KIF3B: variants seen among roughly 807,000 people sequenced by gnomAD.
KIF3B encodes the protein kinesin family member 3B.
In KIF3B, 38 loss-of-function variants were observed where a neutral mutation model predicts 74.3. The ratio of observed to expected loss-of-function variants is 0.51; its 90% CI spans 0.39 to 0.67. The LOEUF (loss-of-function observed/expected upper bound fraction) is 0.67. KIF3B is among the 30% of genes least tolerant of loss of function. The pLI, the probability that KIF3B is intolerant of heterozygous loss-of-function variation, is 0.00. For missense variants in KIF3B, 649 were observed against 932.0 expected, an observed-to-expected ratio of 0.70 and a Z score of 3.95; for synonymous variants, 326 against 342.5, an observed-to-expected ratio of 0.95 and a Z score of 0.53.
intron 1 of KIF3B, among the ~76,000 whole-genome samples, chr20:32,288,083 A>G (rs1008188157): frequency 3.4e-4 from 51 of 151,798 alleles, no homozygotes; most frequent in African/African-American, 1.1e-3. Flanking sequence ...GGGTTTCACC[A>G]TGTTGGTCAG....
intron 5 of KIF3B, among the ~76,000 whole-genome samples, chr20:32,322,767 TTTA>T (rs2047872179): frequency 1.6e-5 from 1 of 63,220 alleles, no homozygotes; most frequent in Non-Finnish European, 2.4e-5. Flanking sequence ...TTTATATATA[TTTA>T]TATATATATT....
At chr20:32,320,142 G>T (rs1305124511) in intron 5 of KIF3B, among the ~76,000 whole-genome samples, 1 of 152,076 alleles carries the variant, frequency 6.6e-6, no homozygotes, top group African/African-American at 2.4e-5. Flanking sequence ...TGATCCACCC[G>T]CCTCAGCCTC....
rs1022294441 is a variant in KIF3B at position 32,334,614 on chromosome 20, A to G, written c.*3295A>G. 4 of 152,674 alleles carry G rather than the reference A, an allele frequency of 2.6e-5. No homozygotes were observed. Among genetic ancestry groups the G allele is most frequent in the African/African-American group, 9.6e-5 (4 of 41,574 alleles). The allele number at this position is 152,674 out of a possible 1,614,324, so 9.5% of individuals were successfully genotyped here. A position where few individuals can be genotyped will look rare whatever the true frequency, so the allele number is the denominator to read the frequency against. ...AGTGGACGAAAATGGGGCTGTTAATATACTCTAAAAGCCATACTAAAAATG... is the reference window on the plus strand; with the variant it reads ...AGTGGACGAAAATGGGGCTGTTAATGTACTCTAAAAGCCATACTAAAAATG... On this transcript the variant is annotated 3_prime_UTR_variant, in exon 9 of 9. Transcript: ENST00000375712.
At chr20:32,296,885 T>C (rs1056351838) in intron 1 of KIF3B, among the ~76,000 whole-genome samples, 1 of 152,282 alleles carries the variant, frequency 6.6e-6, no homozygotes, top group South Asian at 2.1e-4. Context: ...CTGGCCATCA[T>C]AGGAACCAGA....
At position 32,333,845 on chromosome 20, in the gene KIF3B, C is replaced by T. The variant is rs1307396841; in HGVS notation, c.*2526C>T. 6.6e-6 allele frequency: 1 copy of T among 152,512 alleles called. No individual in the cohort carries two copies. Among genetic ancestry groups the T allele is most frequent in the East Asian group, 1.9e-4 (1 of 5,188 alleles). 9.4% of individuals were successfully genotyped at this position (152,512 alleles called of 1,614,324 possible). A position where few individuals can be genotyped will look rare whatever the true frequency, so the allele number is the denominator to read the frequency against. Reference sequence around the variant, plus strand: ...TGGTCTGTGGAAAGAAAAGAAGACTCATTTGGAAATGAAGCTGTCCCTTTC... The same window carrying T: ...TGGTCTGTGGAAAGAAAAGAAGACTTATTTGGAAATGAAGCTGTCCCTTTC... On this transcript the variant is annotated 3_prime_UTR_variant, in exon 9 of 9. Transcript: ENST00000375712.
At chr20:32,280,577 T>C (rs2047637425) in intron 1 of KIF3B, among the ~76,000 whole-genome samples, 1 of 150,470 alleles carries the variant, frequency 6.6e-6, no homozygotes, top group South Asian at 2.1e-4. Context: ...TAGCTGGGCA[T>C]GGTGGCGGGC....
chr20:32,327,824 G>A (rs2047911692), intron 7 of KIF3B, among the ~76,000 whole-genome samples, 163 bp downstream of exon 7: 1 of 152,152 alleles, frequency 6.6e-6, no homozygotes, highest in African/African-American at 2.4e-5. Context: ...AATAAGCCGA[G>A]CACAGTAGCT....
At chr20:32,313,418 T>C (rs1314569523) in intron 2 of KIF3B, among the ~76,000 whole-genome samples, 1 of 152,214 alleles carries the variant, frequency 6.6e-6, no homozygotes, top group African/African-American at 2.4e-5. Flanking sequence ...GCCTCCCTCC[T>C]ACCCCTACTG....
intron 5 of KIF3B, among the ~76,000 whole-genome samples, chr20:32,322,757 TTTATATATATTTATATATA>T (rs1569207768): frequency 1.2e-4 from 6 of 49,068 alleles, no homozygotes; most frequent in Non-Finnish European, 1.8e-4. Flanking sequence ...TATATATATA[TTTATATATATTTATATATA>T]TATTTATATA....
rs548735345 is a variant in KIF3B at position 32,331,258 on chromosome 20, C to G, written c.2183C>G (p.Ser728Cys). The G allele has an allele frequency of 5.6e-6, 9 of 1,613,716 alleles. No individual in the cohort carries two copies. In the South Asian group the frequency reaches 9.9e-5, roughly 18 times the overall value. The change falls in exon 9 of 9, where the codon TCT becomes TGT. Residue 728 changes from serine to cysteine, a missense_variant. Transcript: ENST00000375712. Reference protein sequence around the residue: ...KSGRKSGSSSSSSGTPASQLY... With the variant: ...KSGRKSGSSSCSSGTPASQLY... ...GGAAGGAAGTCGGGATCCTCCTCCT[C>G]TTCCTCAGGAACCCCTGCATCTCAG...
At chr20:32,305,259 G>A in intron 1 of KIF3B, among the ~76,000 whole-genome samples, 1 of 152,036 alleles carries the variant, frequency 6.6e-6, no homozygotes, top group Non-Finnish European at 1.5e-5. Context: ...CTACTTGGGA[G>A]GCCGAGGTGG....
At chr20:32,318,024 C>T (rs944871332) in intron 5 of KIF3B, among the ~76,000 whole-genome samples, 32 of 152,148 alleles carry the variant, frequency 2.1e-4, no homozygotes, top group South Asian at 6.2e-4. Flanking sequence ...CAAATCAGTC[C>T]GGGCATGGTG....
At chr20:32,306,490 TTTA>T (rs2047771784) in intron 1 of KIF3B, among the ~76,000 whole-genome samples, 1 of 152,186 alleles carries the variant, frequency 6.6e-6, no homozygotes, top group African/African-American at 2.4e-5. Flanking sequence ...CAAGCCAGTT[TTTA>T]TTAATGATTG....
chr20:32,287,190 T>C (rs1265653514), intron 1 of KIF3B, among the ~76,000 whole-genome samples: 1 of 152,238 alleles, frequency 6.6e-6, no homozygotes, highest in Admixed American at 6.5e-5. Context: ...TGTTTCATTT[T>C]ATTTTTGTAG....
In KIF3B at chr20:32,298,281, AC is replaced by A. The variant is rs1030722004; in HGVS notation, c.-65-11431del. 7.7e-4 allele frequency among the ~76,000 whole-genome samples: 117 copies of A among 151,752 alleles called. 2 individuals are homozygous for A. Among genetic ancestry groups the A allele is most frequent in the Non-Finnish European group, 3.2e-4 (22 of 67,940 alleles). ...CAAAAACCCAGCCCTACAAACAGATACAACAATTAATTGTGCATGGCGGCCT... is the reference window on the plus strand; with the variant it reads ...CAAAAACCCAGCCCTACAAACAGATAAACAATTAATTGTGCATGGCGGCCT... On this transcript the variant is annotated intron_variant, in intron 1 of 8. Transcript: ENST00000375712.
At chr20:32,297,810 T>A (rs554412942) in intron 1 of KIF3B, among the ~76,000 whole-genome samples, 8 of 152,098 alleles carry the variant, frequency 5.3e-5, no homozygotes, top group Middle Eastern at 6.8e-3. Flanking sequence ...TTTTTTTTTT[T>A]AATATGAAAT....
intron 1 of KIF3B, among the ~76,000 whole-genome samples, chr20:32,292,071 G>A (rs2047694244): frequency 6.6e-6 from 1 of 151,876 alleles, no homozygotes; most frequent in South Asian, 2.1e-4. Flanking sequence ...GAGTAGCTGG[G>A]GCCACAGGCA....
chr20:32,291,411 T>C (rs368699006), intron 1 of KIF3B, among the ~76,000 whole-genome samples: 1 of 152,218 alleles, frequency 6.6e-6, no homozygotes, highest in East Asian at 1.9e-4. Context: ...TCTCAGCACT[T>C]GGCAATCCTA....
intron 1 of KIF3B, among the ~76,000 whole-genome samples, chr20:32,282,057 C>CTCCACA (rs1311709547): frequency 1.5e-4 from 23 of 152,068 alleles, no homozygotes; most frequent in African/African-American, 5.3e-4. Flanking sequence ...ATTGGAGGTT[C>CTCCACA]TGGAGAAGGG....
Sources: gnomAD v4.1 joint callset for allele counts (sites outside exome capture counted in the v4.1 genomes callset) on GRCh38, gnomAD v4.1.1 for gene constraint, MANE v1.5 for transcripts, NCBI Gene and HGNC (gene_info 2026-07-23, HGNC 2026-07-21) for gene names.